PPFIA2: variants seen among roughly 807,000 people sequenced by gnomAD.
The protein encoded by PPFIA2 is PPFI scaffold protein A2, also known as liprin-alpha-2.
PPFIA2 carries 46 observed loss-of-function variants against 175.5 expected under a neutral mutation model. The ratio of observed to expected loss-of-function variants is 0.26; its 90% CI spans 0.21 to 0.34. The LOEUF (loss-of-function observed/expected upper bound fraction) is 0.34. Among genes scored for constraint, PPFIA2 ranks in the 10% least tolerant of loss-of-function variants. The pLI, the probability that PPFIA2 is intolerant of heterozygous loss-of-function variation, is 1.00. For missense variants in PPFIA2, 1,179 were observed against 1,506.1 expected (o/e 0.78, Z 3.60); for synonymous variants, 568 against 511.4 (o/e 1.11, Z -1.49).
intron 4 of PPFIA2, among the ~76,000 whole-genome samples, chr12:81,539,781 A>C (rs2065931832): frequency 6.6e-6 from 1 of 151,898 alleles, no homozygotes. Flanking sequence ...GCTCAAACTC[A>C]AGCACTCCAC....
Position 81,284,323 on chromosome 12 carries a change from G to A in PPFIA2, c.2926-20C>T, listed in dbSNP as rs780257334. On this transcript the variant is annotated intron_variant, in intron 24 of 32. Coordinates refer to ENST00000549396, the MANE Select transcript of PPFIA2 (RefSeq NM_003625.5). ...TGAAGGCTAGTGAGGAGGCCCAGAG[G>A]GAAGCAGAGGAATCCATGGGAGGCA... The A allele has an allele frequency of 3.9e-6, 6 of 1,529,762 alleles. No homozygotes were observed. Among genetic ancestry groups the A allele is most frequent in the Non-Finnish European group, 4.5e-6 (5 of 1,110,482 alleles). 94.8% of individuals were successfully genotyped at this position (1,529,762 alleles called of 1,614,324 possible).
At chr12:81,509,093 T>C (rs1213730874) in intron 4 of PPFIA2, among the ~76,000 whole-genome samples, 1 of 151,882 alleles carries the variant, frequency 6.6e-6, no homozygotes, top group Non-Finnish European at 1.5e-5. Context: ...CTCAGTAAAC[T>C]ATCGCAAGAG....
chr12:81,277,433 A>C lies in PPFIA2; in HGVS notation c.3213-19T>G, dbSNP rs1593628209. ...ACTTGTTCTTTTTTTTTTATTAAAA[A>C]AAAAAAAACACAGTGAGTCTACCTT... is the stretch of plus-strand genomic sequence containing the variant. On this transcript the variant is annotated intron_variant, in intron 27 of 32. Transcript: ENST00000549396. 2 of 1,491,156 alleles carry C rather than the reference A, an allele frequency of 1.3e-6. No homozygotes were observed. The highest frequency in any genetic ancestry group is 5.0e-5 in the East Asian group (2 of 40,080). 92.4% of individuals were successfully genotyped at this position (1,491,156 alleles called of 1,614,324 possible).
At chr12:81,439,758 T>G in intron 7 of PPFIA2, 3 of 499,708 alleles carry the variant, frequency 6.0e-6, no homozygotes, top group Non-Finnish European at 1.0e-5. Context: ...TCACTAGCTT[T>G]TGATAATTTT....
Position 81,579,760 on chromosome 12 carries a change from A to G in PPFIA2, c.303+97031T>C, listed in dbSNP as rs535082107. Among the ~76,000 whole-genome samples, 18 of 152,010 alleles carry G rather than the reference A, an allele frequency of 1.2e-4. No homozygotes were observed. In the South Asian group the frequency reaches 1.2e-3, roughly 10 times the overall value. On this transcript the variant is annotated intron_variant, in intron 4 of 32. Coordinates refer to ENST00000549396, the MANE Select transcript of PPFIA2 (RefSeq NM_003625.5). The stretch of plus-strand genomic sequence containing the variant: ...ACCTTCCATTCACCATTCTTCACAT[A>G]GACGGTACCGTTTGTAGTGCTAAAA...
At chr12:81,525,966 T>C (rs139398323) in intron 4 of PPFIA2, among the ~76,000 whole-genome samples, 252 of 152,108 alleles carry the variant, frequency 1.7e-3, no homozygotes, top group African/African-American at 5.9e-3. Context: ...AATCTAGTCA[T>C]TGGTTAAAAA....
intron 22 of PPFIA2, among the ~76,000 whole-genome samples, chr12:81,309,785 G>A (rs2050268917): frequency 6.6e-6 from 1 of 151,918 alleles, no homozygotes; most frequent in Admixed American, 6.6e-5. Flanking sequence ...ATTGAGTTGC[G>A]AGTTATGTAA....
chr12:81,315,444 G>T (rs2052099490), intron 22 of PPFIA2, among the ~76,000 whole-genome samples: 1 of 151,606 alleles, frequency 6.6e-6, no homozygotes, highest in Non-Finnish European at 1.5e-5. Flanking sequence ...AGCTAAACCA[G>T]GAGAGAGGGG....
chr12:81,622,068 G>A (rs1400231864), intron 4 of PPFIA2, among the ~76,000 whole-genome samples: 1 of 152,176 alleles, frequency 6.6e-6, no homozygotes, highest in East Asian at 1.9e-4. Flanking sequence ...ATTAGACAAG[G>A]ACTTGGTGTT....
Position 81,682,764 on chromosome 12 carries a change from T to A in PPFIA2, c.250-5920A>T, listed in dbSNP as rs184900792. 9.0e-4 allele frequency among the ~76,000 whole-genome samples: 137 copies of A among 152,154 alleles called. 1 individual carries two copies. Among genetic ancestry groups the A allele is most frequent in the African/African-American group, 3.1e-3 (130 of 41,556 alleles). ...CCTCTCCCACTACTTTCTGTTGACATGCCCTATTGTGCCCACCACATCACT... is the reference window on the plus strand; with the variant it reads ...CCTCTCCCACTACTTTCTGTTGACAAGCCCTATTGTGCCCACCACATCACT... On this transcript the variant is annotated intron_variant, in intron 3 of 32. Coordinates refer to ENST00000549396, the MANE Select transcript of PPFIA2 (RefSeq NM_003625.5).
At chr12:81,260,429 A>C (rs2035032949) in intron 32 of PPFIA2, 1 of 152,172 alleles carries the variant, frequency 6.6e-6, no homozygotes, top group Admixed American at 6.5e-5. Context: ...GTCATTTGTA[A>C]ATTAGTGAAG....
chr12:81,488,140 C>T (rs1444571507), intron 4 of PPFIA2, among the ~76,000 whole-genome samples: 1 of 151,672 alleles, frequency 6.6e-6, no homozygotes, highest in African/African-American at 2.4e-5. Context: ...ATTGTCTGTT[C>T]CTGTTATTTT....
chr12:81,512,804 C>T (rs2061957706), intron 4 of PPFIA2, among the ~76,000 whole-genome samples: 1 of 152,052 alleles, frequency 6.6e-6, no homozygotes, highest in Non-Finnish European at 1.5e-5. Flanking sequence ...ATTTGGTTTT[C>T]CATTCCTGAT....
At chr12:81,655,366 G>T (rs1223874944) in intron 4 of PPFIA2, among the ~76,000 whole-genome samples, 2 of 150,484 alleles carry the variant, frequency 1.3e-5, no homozygotes, top group Non-Finnish European at 3.0e-5. Flanking sequence ...TTTTCCCTAG[G>T]TTCTTAGATT....
intron 3 of PPFIA2, among the ~76,000 whole-genome samples, chr12:81,680,435 C>A (rs955481868): frequency 2.0e-4 from 30 of 151,858 alleles, no homozygotes; most frequent in African/African-American, 6.5e-4. Flanking sequence ...ACATAGGACT[C>A]CAAACCTGTA....
intron 4 of PPFIA2, among the ~76,000 whole-genome samples, chr12:81,583,554 A>G (rs1186881328): frequency 6.6e-6 from 1 of 151,936 alleles, no homozygotes; most frequent in Non-Finnish European, 1.5e-5. Flanking sequence ...GATGTTTAAG[A>G]TTTATTAAAA....
At chr12:81,443,496 GTAAAT>G (rs973720748) in intron 6 of PPFIA2, among the ~76,000 whole-genome samples, 1 of 152,012 alleles carries the variant, frequency 6.6e-6, no homozygotes, top group Admixed American at 6.6e-5. Flanking sequence ...CTTCTATAAA[GTAAAT>G]TATTTCTAGA....
chr12:81,442,327 A>C (rs2050330614), intron 6 of PPFIA2, among the ~76,000 whole-genome samples: 1 of 152,074 alleles, frequency 6.6e-6, no homozygotes, highest in Non-Finnish European at 1.5e-5. Context: ...ATGCAAACTG[A>C]AATTAATATA....
Position 81,612,375 on chromosome 12 carries a change from C to A in PPFIA2, c.303+64416G>T, listed in dbSNP as rs1015378881. Among the ~76,000 whole-genome samples, 5 of 152,226 alleles carry A rather than the reference C, an allele frequency of 3.3e-5. No individual in the cohort carries two copies. The South Asian group carries it at 6.2e-4, about 19-fold the overall frequency. On this transcript the variant is annotated intron_variant, in intron 4 of 32. Coordinates refer to ENST00000549396, the MANE Select transcript of PPFIA2 (RefSeq NM_003625.5). ...TGCCAGATAACAGCTACAGTTAGAGCAGAAATGATTCTGCAGGTGAACTGG... is the reference window on the plus strand; with the variant it reads ...TGCCAGATAACAGCTACAGTTAGAGAAGAAATGATTCTGCAGGTGAACTGG...
Sources: allele counts gnomAD v4.1 joint callset (sites outside exome capture counted in the v4.1 genomes callset), GRCh38; gene constraint gnomAD v4.1.1; transcripts MANE v1.5; gene names NCBI Gene and HGNC (gene_info 2026-07-23, HGNC 2026-07-21).